The following CFAP161 variants were observed in gnomAD, a reference collection of about 807,000 sequenced individuals.
CFAP161 encodes the protein cilia and flagella associated protein 161, also known as cilia- and flagella-associated protein 161.
CFAP161 carries 25 observed loss-of-function variants against 29.0 expected under a neutral mutation model. That is an observed-to-expected ratio of 0.86 (90% CI 0.63 to 1.20). The LOEUF (loss-of-function observed/expected upper bound fraction) is 1.20, where lower values mean the gene tolerates loss of function less well. Ranked by LOEUF, CFAP161 falls within the 50% of genes most tolerant of loss-of-function variation. CFAP161 has a pLI of 0.00. For missense variants in CFAP161, 367 were observed against 371.9 expected (o/e 0.99, Z 0.11); for synonymous variants, 116 against 137.4 (o/e 0.84, Z 1.09).
At chr15:81,130,004 A>G (rs1282710539), upstream of CFAP161, among the ~76,000 whole-genome samples, 2 of 151,586 alleles carry the variant, frequency 1.3e-5, no homozygotes, top group South Asian at 4.2e-4. Context: ...ACCTACATCA[A>G]TGATCTTAGC....
Position 81,136,394 on chromosome 15 carries a change from G to A in CFAP161, c.160-122G>A, listed in dbSNP as rs141151068. The A allele has an allele frequency of 3.7e-3, 3,093 of 835,050 alleles. 57 individuals are homozygous for A. The highest frequency in any genetic ancestry group is 0.031 in the South Asian group (1,852 of 59,728). 51.7% of individuals were successfully genotyped at this position (835,050 alleles called of 1,614,324 possible). A position where few individuals can be genotyped will look rare whatever the true frequency, so the allele number is the denominator to read the frequency against. ...GAAAGGAAGAAGGAACTAAGGGTTC[G>A]AGGGAATCCAAGTGAAATCCTGAAT... On this transcript the variant is annotated intron_variant, in intron 2 of 6. Coordinates refer to ENST00000286732, the MANE Select transcript of CFAP161 (RefSeq NM_173528.4).
chr15:81,110,034 C>G (rs187602064), intron 1 of CFAP161, among the ~76,000 whole-genome samples: 16 of 152,192 alleles, frequency 1.1e-4, no homozygotes, highest in South Asian at 4.2e-4. Flanking sequence ...CCATGTAGCT[C>G]TGATACGAGA....
At chr15:81,106,236 T>G (rs62036656) in intron 1 of CFAP161, among the ~76,000 whole-genome samples, 13,379 of 152,178 alleles carry the variant, frequency 0.088, 706 homozygotes, top group East Asian at 0.17. Flanking sequence ...AAGACATAGT[T>G]TGGGGGAGTC....
upstream of CFAP161, among the ~76,000 whole-genome samples, chr15:81,133,099 C>T (rs1261193385): frequency 6.7e-6 from 1 of 149,984 alleles, no homozygotes. Context: ...TCTCCCATCA[C>T]TCAAAGGCCA....
upstream of CFAP161, among the ~76,000 whole-genome samples, chr15:81,131,188 T>C (rs1894707573): frequency 6.9e-6 from 1 of 144,904 alleles, no homozygotes; most frequent in South Asian, 2.2e-4. Context: ...ATAAAGTGAA[T>C]TGCAATAAAA....
intron 5 of CFAP161, among the ~76,000 whole-genome samples, chr15:81,144,747 A>G (rs1012220282): frequency 1.3e-5 from 2 of 150,336 alleles, no homozygotes; most frequent in Non-Finnish European, 2.9e-5. Context: ...TGATTGTGCC[A>G]TTGGACTCCA....
At chr15:81,147,772 A>C in intron 5 of CFAP161, 86 bp from the exon 6 acceptor site, 1 of 865,536 alleles carries the variant, frequency 1.2e-6, no homozygotes, top group Non-Finnish European at 1.7e-6. Flanking sequence ...TATAATCCCA[A>C]ATTTTTGCTT....
intron 1 of CFAP161, chr15:81,099,423 A>C (rs1410870892): frequency 1.3e-5 from 2 of 152,304 alleles, no homozygotes; most frequent in Non-Finnish European, 2.9e-5. Context: ...TGTGTCAATG[A>C]AGAATTCCTG....
intron 1 of CFAP161, among the ~76,000 whole-genome samples, chr15:81,118,501 G>C (rs1396334660): frequency 2.6e-5 from 4 of 152,236 alleles, no homozygotes; most frequent in African/African-American, 9.6e-5. Flanking sequence ...GCCACGCGGG[G>C]CCGCCCTCAG....
At chr15:81,139,530 A>G (rs959807493) in intron 4 of CFAP161, among the ~76,000 whole-genome samples, 5 of 152,170 alleles carry the variant, frequency 3.3e-5, no homozygotes, top group African/African-American at 9.6e-5. Flanking sequence ...TATTCTTTCT[A>G]AAATAGCATT....
At chr15:81,124,539 G>A (rs996612829) in intron 1 of CFAP161, among the ~76,000 whole-genome samples, 2 of 152,130 alleles carry the variant, frequency 1.3e-5, no homozygotes, top group East Asian at 3.9e-4. Flanking sequence ...AATGAGTTAG[G>A]GAGGAGTCCC....
chr15:81,148,156 C>T (rs756259154), intron 6 of CFAP161, among the ~76,000 whole-genome samples, 182 bp from the exon 7 acceptor site: 1 of 152,222 alleles, frequency 6.6e-6, no homozygotes, highest in Non-Finnish European at 1.5e-5. Context: ...TGGGATCCTA[C>T]TGGCCTAATC....
intron 1 of CFAP161, among the ~76,000 whole-genome samples, chr15:81,114,688 G>T (rs1039287719): frequency 6.6e-6 from 1 of 152,170 alleles, no homozygotes; most frequent in African/African-American, 2.4e-5. Context: ...TTTTAAGACG[G>T]AGTCTCGCTC....
intron 2 of CFAP161, among the ~76,000 whole-genome samples, chr15:81,128,323 A>G (rs1455729104): frequency 6.6e-6 from 1 of 152,198 alleles, no homozygotes; most frequent in Non-Finnish European, 1.5e-5. Flanking sequence ...ATTGGAGTCA[A>G]TCCTCTCAAA....
intron 1 of CFAP161, 36 bp downstream of exon 1, chr15:81,134,434 C>G (rs1455933915): frequency 6.4e-7 from 1 of 1,555,312 alleles, no homozygotes; most frequent in Admixed American, 2.0e-5. Context: ...ACCCGCAGCT[C>G]AGGAACTCCC....
chr15:81,134,063 A>T (rs2044504515), upstream of CFAP161, among the ~76,000 whole-genome samples: 1 of 152,204 alleles, frequency 6.6e-6, no homozygotes, highest in African/African-American at 2.4e-5. Context: ...TCTCTCTCGG[A>T]AGCACTTTGT....
chr15:81,136,662 T>A lies in CFAP161; in HGVS notation c.306T>A (p.His102Gln). ...LCMTPDEIQS[H>Q]LKDELEVPCG... is the part of the protein sequence containing the mutation. The stretch of plus-strand genomic sequence containing the variant: ...TGACTCCAGATGAAATTCAGTCCCA[T>A]CTGAAAGACGAATTAGAGGTACCCT... The change falls in exon 3 of 7, where the codon CAT (histidine) becomes CAA (glutamine). Residue 102 changes from histidine (H) to glutamine (Q), a missense_variant. By Grantham distance (24) the His-to-Gln change is conservative (BLOSUM62 0). Coordinates refer to ENST00000286732, the MANE Select transcript of CFAP161 (RefSeq NM_173528.4). 2 of 1,614,150 alleles carry A rather than the reference T, an allele frequency of 1.2e-6. No individual in the cohort carries two copies. Among genetic ancestry groups the A allele is most frequent in the Non-Finnish European group, 1.7e-6 (2 of 1,180,036 alleles).
Position 81,103,931 on chromosome 15 carries a change from T to C in CFAP161, c.-141-23659T>C, listed in dbSNP as rs567935741. The stretch of plus-strand genomic sequence containing the variant: ...TGGTGAATGGGGGAAAACCCCCTCA[T>C]GTTTGGTCACAGATGTCCTCTTCTA... On this transcript the variant is annotated intron_variant, in intron 1 of 4. Transcript: ENST00000560091. Among the ~76,000 whole-genome samples, 3 of 152,062 alleles carry C rather than the reference T, an allele frequency of 2.0e-5. No homozygotes were observed. The South Asian group carries it at 6.3e-4, about 32-fold the overall frequency.
At chr15:81,148,037 T>A (rs1033637479) in intron 6 of CFAP161, 106 bp downstream of exon 6, 15 of 931,002 alleles carry the variant, frequency 1.6e-5, no homozygotes, top group Non-Finnish European at 2.1e-5. Context: ...ACAAAAAATG[T>A]CCTTTGCTGA....
Sources: allele counts gnomAD v4.1 joint callset (sites outside exome capture counted in the v4.1 genomes callset), GRCh38; gene constraint gnomAD v4.1.1; transcripts MANE v1.5; gene names NCBI Gene and HGNC (gene_info 2026-07-23, HGNC 2026-07-21).